BOD1L1: variants seen among roughly 807,000 people sequenced by gnomAD.
The protein encoded by BOD1L1 is biorientation of chromosomes in cell division 1 like 1.
BOD1L1 carries 86 observed loss-of-function variants against 240.7 expected under a neutral mutation model. The observed-to-expected ratio is 0.36, with a 90% CI of 0.30 to 0.43. The LOEUF (loss-of-function observed/expected upper bound fraction) is 0.43. Ranked by LOEUF, BOD1L1 falls within the 20% of genes least tolerant of loss-of-function variation. The pLI is 1.00. For synonymous variants in BOD1L1, 1,268 were observed against 1,272.3 expected, an observed-to-expected ratio of 1.00 and a Z score of 0.07; for missense variants, 3,554 against 3,643.5, an observed-to-expected ratio of 0.98 and a Z score of 0.63.
chr4:13,578,879 A>T (rs987361001), intron 22 of BOD1L1, among the ~76,000 whole-genome samples: 5 of 152,228 alleles, frequency 3.3e-5, no homozygotes, highest in African/African-American at 9.7e-5. Flanking sequence ...AAAAAAGTAC[A>T]TTTTATGACC....
intron 25 of BOD1L1, among the ~76,000 whole-genome samples, chr4:13,571,999 G>A (rs978238213): frequency 6.6e-6 from 1 of 152,194 alleles, no homozygotes; most frequent in African/African-American, 2.4e-5. Context: ...TTTGTGTACA[G>A]TGAAGAGTCT....
At chr4:13,596,414 GC>G (rs1435737102) in intron 11 of BOD1L1, among the ~76,000 whole-genome samples, 1 of 152,062 alleles carries the variant, frequency 6.6e-6, no homozygotes, top group African/African-American at 2.4e-5. Context: ...CTCCTTGCAA[GC>G]CCTCCTGTCT....
chr4:13,605,602 C>G (rs1355013141), intron 9 of BOD1L1, among the ~76,000 whole-genome samples: 1 of 152,116 alleles, frequency 6.6e-6, no homozygotes, highest in African/African-American at 2.4e-5. Context: ...CTAGAACTCA[C>G]TAATGCCCAG....
At chr4:13,570,259 C>T (rs913158693) in intron 25 of BOD1L1, 131 bp from the exon 26 acceptor site, 2 of 599,654 alleles carry the variant, frequency 3.3e-6, no homozygotes, top group Admixed American at 4.2e-5. Context: ...AACATTTATA[C>T]ATGAAAAGGA....
Position 13,616,566 on chromosome 4 carries a change from G to A in BOD1L1, c.369-1064C>T, listed in dbSNP as rs567675861. On this transcript the variant is annotated intron_variant, in intron 2 of 25. Coordinates refer to ENST00000040738, the MANE Select transcript of BOD1L1 (RefSeq NM_148894.3). ...CTAAAAAAGAAGTGGAGGAGTCAAGGTAGTCAGGATAGTGCTGGAAGATCA... is the reference window on the plus strand; with the variant it reads ...CTAAAAAAGAAGTGGAGGAGTCAAGATAGTCAGGATAGTGCTGGAAGATCA... Among the ~76,000 whole-genome samples, 59 of 152,318 alleles carry A rather than the reference G, an allele frequency of 3.9e-4. 1 individual carries two copies. In the South Asian group the frequency reaches 0.012, roughly 31 times the overall value.
In BOD1L1 at chr4:13,604,538, C is replaced by T. The variant is rs139078740; in HGVS notation, c.2362G>A (p.Glu788Lys). ...QTKLSSDDKT[E>K]RKSKHRNERK... The stretch of plus-strand genomic sequence containing the variant: ...TCATTCCTATGTTTACTTTTTCGTT[C>T]GGTTTTATCATCTGAAGAAAGCTTT... The change falls in exon 10 of 26, where the codon GAA (glutamate) becomes AAA (lysine). Residue 788 changes from glutamate (E) to lysine (K), a missense_variant. By Grantham distance (56) the Glu-to-Lys change is moderately conservative (BLOSUM62 1). This residue lies in a region of BOD1L1 where 3,393 missense variants were observed against 3,427.1 expected (regional missense o/e 0.99). Transcript: ENST00000040738. 31 of 1,536,156 alleles carry T rather than the reference C, an allele frequency of 2.0e-5. No individual in the cohort carries two copies. The highest frequency in any genetic ancestry group is 1.7e-4 in the Middle Eastern group (1 of 5,730).
At chr4:13,620,704 G>A (rs540273363) in intron 1 of BOD1L1, among the ~76,000 whole-genome samples, 10 of 152,274 alleles carry the variant, frequency 6.6e-5, no homozygotes, top group African/African-American at 1.9e-4. Flanking sequence ...GCTTTCTGAT[G>A]GTTAATCATC....
Position 13,595,927 on chromosome 4 carries a change from C to T in BOD1L1, c.8037G>A (p.Glu2679=), listed in dbSNP as rs1287551377. 7.4e-6 allele frequency: 12 copies of T among 1,613,572 alleles called. No homozygotes were observed. The highest frequency in any genetic ancestry group is 9.3e-6 in the Non-Finnish European group (11 of 1,179,812). ...CCAGAATTTCACCATTTTTCTCTTC[C>T]TCTGAAGGCACATAAGCCTAAAAAA... The part of the protein sequence containing the change: ...NLKMEAYVPS[E]EEKNGEILAP... The change falls in exon 12 of 26, where the codon GAG becomes GAA. Residue 2679 remains glutamate, a synonymous_variant. Coordinates refer to ENST00000040738, the MANE Select transcript of BOD1L1 (RefSeq NM_148894.3).
At chr4:13,619,106 T>C (rs962203008) in intron 2 of BOD1L1, among the ~76,000 whole-genome samples, 1 of 152,058 alleles carries the variant, frequency 6.6e-6, no homozygotes, top group Admixed American at 6.6e-5. Context: ...GAAGATCCCT[T>C]GAGCCTAGGA....
intron 16 of BOD1L1, 32 bp downstream of exon 16, chr4:13,587,667 G>C: frequency 6.9e-7 from 1 of 1,441,090 alleles, no homozygotes; most frequent in South Asian, 1.3e-5. Flanking sequence ...GATTTTCAAA[G>C]ATGTCTAAAA....
chr4:13,570,069 G>GC lies in BOD1L1; in HGVS notation c.9097dup (p.Ala3033GlyfsTer58). On this transcript the variant is annotated frameshift_variant, in exon 26 of 26. Transcript: ENST00000040738. LOFTEE classifies it high-confidence loss of function. The stretch of plus-strand genomic sequence containing the variant: ...CACCCTTTGCTGGCCTCTTGTTCGG[G>GC]CCCCAGGAGGGCTGACTTCTCTCTT... 1 of 1,605,886 alleles carries GC rather than the reference G, an allele frequency of 6.2e-7. No individual in the cohort carries two copies. Among genetic ancestry groups the GC allele is most frequent in the Non-Finnish European group, 8.5e-7 (1 of 1,176,658 alleles).
chr4:13,611,440 G>C (rs570455646), intron 5 of BOD1L1, among the ~76,000 whole-genome samples: 2 of 152,178 alleles, frequency 1.3e-5, no homozygotes, highest in Non-Finnish European at 2.9e-5. Context: ...GCTCTGCTTC[G>C]CAACACCAGC....
chr4:13,603,829 C>T lies in BOD1L1; in HGVS notation c.3071G>A (p.Ser1024Asn), dbSNP rs1715436014. 1 of 1,613,296 alleles carries T rather than the reference C, an allele frequency of 6.2e-7. No individual in the cohort carries two copies. The highest frequency in any genetic ancestry group is 1.1e-5 in the South Asian group (1 of 91,078). ...TATGTCTTTACTACTATGCTTTAAG[C>T]TTCTGCTTTTGTGGCCATCTGACAA... ...RKLSDGHKSR[S>N]LKHSSKDIKK... The change falls in exon 10 of 26, where the codon AGC becomes AAC. Residue 1024 changes from serine to asparagine, a missense_variant. Ser to Asn is a conservative substitution (Grantham distance 46, BLOSUM62 1). Around this residue, in one of 2 missense-constraint regions of BOD1L1, gnomAD observed 3,393 missense variants for 3,427.1 expected, o/e 0.99. Transcript: ENST00000040738.
At chr4:13,585,781 G>A (rs1478220586) in intron 17 of BOD1L1, among the ~76,000 whole-genome samples, 1 of 152,178 alleles carries the variant, frequency 6.6e-6, no homozygotes, top group Admixed American at 6.5e-5. Context: ...TCCTGACAGT[G>A]AATAAGTCTC....
intron 15 of BOD1L1, 39 bp downstream of exon 15, chr4:13,588,683 T>G: frequency 2.1e-6 from 3 of 1,423,690 alleles, no homozygotes; most frequent in Non-Finnish European, 2.9e-6. Flanking sequence ...GAAAATATTA[T>G]GTATAAAATA....
At chr4:13,591,360 A>G (rs989520917) in intron 13 of BOD1L1, among the ~76,000 whole-genome samples, 4 of 152,176 alleles carry the variant, frequency 2.6e-5, no homozygotes, top group African/African-American at 4.8e-5. Context: ...TAGTACCCCA[A>G]TTCCTCTAGG....
At position 13,624,775 on chromosome 4, in the gene BOD1L1, C is replaced by T. The variant is rs376385572; in HGVS notation, c.243+2570G>A. 6 of 152,340 alleles carry T rather than the reference C, an allele frequency of 3.9e-5. No homozygotes were observed. In the East Asian group the frequency reaches 1.2e-3, roughly 29 times the overall value. The allele number at this position is 152,340 out of a possible 1,614,324, so 9.4% of individuals were successfully genotyped here. A position where few individuals can be genotyped will look rare whatever the true frequency, so the allele number is the denominator to read the frequency against. On this transcript the variant is annotated intron_variant, in intron 1 of 25. Coordinates refer to ENST00000040738, the MANE Select transcript of BOD1L1 (RefSeq NM_148894.3). ...CACTAAACTGGATGACAGTTTTGCT[C>T]TTAGCACCTGGCAGGTATCAAATGT...
rs539360392 is a variant in BOD1L1, at chr4:13,604,901, C to T, written c.1999G>A (p.Val667Ile). The T allele has an allele frequency of 2.8e-5, 45 of 1,613,322 alleles. No individual in the cohort carries two copies. The African/African-American group carries it at 4.1e-4, about 15-fold the overall frequency. The stretch of plus-strand genomic sequence containing the variant: ...TCTCTTGTGTCAGTCTCTTCCTGTA[C>T]CCCCTCCATGATAACAGGGGTAGAT... ...RTSTPVIMEG[V>I]QEETDTRDVK... The change falls in exon 10 of 26, where the codon GTA (valine) becomes ATA (isoleucine). Residue 667 changes from valine (V) to isoleucine (I), a missense_variant. This residue lies in a region of BOD1L1 where 3,393 missense variants were observed against 3,427.1 expected (regional missense o/e 0.99). Transcript: ENST00000040738.
At position 13,607,189 on chromosome 4, in the gene BOD1L1, C is replaced by T; in HGVS notation, c.1743G>A (p.Arg581=). ...ALSKKRKKDS[R]NVEENSKKKQ... The stretch of plus-strand genomic sequence containing the variant: ...TCTTTTTGGAGTTCTCTTCAACATT[C>T]CTAAGGGGGAAAGAGTCAAATATAA... The change falls in exon 9 of 26, where the codon AGG becomes AGA. Residue 581 remains arginine, a splice_region_variant and synonymous_variant. Transcript: ENST00000040738. The T allele has an allele frequency of 6.4e-7, 1 of 1,558,802 alleles. No homozygotes were observed. Among genetic ancestry groups the T allele is most frequent in the South Asian group, 1.2e-5 (1 of 83,720 alleles).
Sources: allele counts gnomAD v4.1 joint callset (sites outside exome capture counted in the v4.1 genomes callset), GRCh38; gene constraint gnomAD v4.1.1; regional missense constraint gnomAD v4.1.1; transcripts MANE v1.5; gene names NCBI Gene and HGNC (gene_info 2026-07-23, HGNC 2026-07-21).